The following CACNA1H variants were observed in gnomAD, a reference collection of about 807,000 sequenced individuals.
CACNA1H encodes the protein voltage-dependent T-type calcium channel subunit alpha-1H.
CACNA1H carries 149 observed loss-of-function variants against 192.5 expected under a neutral mutation model. The ratio of observed to expected loss-of-function variants is 0.77; its 90% CI spans 0.68 to 0.89. The LOEUF is 0.89. CACNA1H is among the 40% of genes least tolerant of loss of function. The pLI is 0.00. For missense variants in CACNA1H, 4,257 were observed against 3,423.5 expected, an observed-to-expected ratio of 1.24 and a Z score of -6.08; for synonymous variants, 2,202 against 1,475.2, an observed-to-expected ratio of 1.49 and a Z score of -11.29.
chr16:1,159,529 C>G (rs997327606), intron 2 of CACNA1H: 1 of 152,296 alleles, frequency 6.6e-6, no homozygotes, highest in Non-Finnish European at 1.5e-5. Flanking sequence ...CCCTCGGGAG[C>G]TTGAGGGCTG....
rs545568141 is a variant in CACNA1H, at chr16:1,166,379, T to C, written c.299+12343T>C. The stretch of plus-strand genomic sequence containing the variant: ...CTGAATCCCGGCCCCTGCCTTCCTC[T>C]CAGCCCTGCAGAGGAGGCCGCGCAG... On this transcript the variant is annotated intron_variant, in intron 2 of 34. Transcript: ENST00000348261. Among the ~76,000 whole-genome samples, 10 of 152,314 alleles carry C rather than the reference T, an allele frequency of 6.6e-5. No individual in the cohort carries two copies. In the East Asian group the frequency reaches 1.9e-3, roughly 29 times the overall value.
At chr16:1,196,134 C>G in intron 5 of CACNA1H, 111 bp downstream of exon 5, 1 of 841,846 alleles carries the variant, frequency 1.2e-6, no homozygotes, top group Non-Finnish European at 1.9e-6. Flanking sequence ...ATGAAGGTTA[C>G]CAGGCACTCC....
rs1395932726 is a variant in CACNA1H at position 1,198,788 on chromosome 16, A to AC, written c.803+19dup. On this transcript the variant is annotated intron_variant, in intron 6 of 34. Coordinates refer to ENST00000348261, the MANE Select transcript of CACNA1H (RefSeq NM_021098.3). ...TGCCTTTGTCAGGTGCCCAGGCCCC[A>AC]CCCCCGTGAGGCCCCTGCCCAGATG... 6 of 1,602,010 alleles carry AC rather than the reference A, an allele frequency of 3.7e-6. No homozygotes were observed. Among genetic ancestry groups the AC allele is most frequent in the Non-Finnish European group, 5.1e-6 (6 of 1,175,828 alleles).
At position 1,220,765 on chromosome 16, in the gene CACNA1H, G is replaced by A. The variant is rs1347149468; in HGVS notation, c.6833G>A (p.Gly2278Glu). 1.9e-6 allele frequency: 3 copies of A among 1,612,496 alleles called. No homozygotes were observed. In the East Asian group the frequency reaches 6.7e-5, roughly 36 times the overall value. Residue 2278 changes from glycine (G) to glutamate (E), a missense_variant, in exon 35 of 35, where the codon GGA (glycine) becomes GAA (glutamate). Transcript: ENST00000348261. Reference sequence around the variant, plus strand: ...CCGCTGGACCTCGGGGTCCCCAGTGGAGACCCTTTCTTGGACGGTAGCCAC... The same window carrying A: ...CCGCTGGACCTCGGGGTCCCCAGTGAAGACCCTTTCTTGGACGGTAGCCAC... ...FEPLDLGVPS[G>E]DPFLDGSHSV...
At chr16:1,206,956 A>G in intron 12 of CACNA1H, 45 bp from the exon 13 acceptor site, 2 of 499,226 alleles carry the variant, frequency 4.0e-6, no homozygotes, top group Non-Finnish European at 6.1e-6. Flanking sequence ...TCCGCTCAGC[A>G]CACCCCTGCC....
intron 2 of CACNA1H, among the ~76,000 whole-genome samples, chr16:1,188,594 C>T (rs1034494447): frequency 6.6e-6 from 1 of 152,244 alleles, no homozygotes; most frequent in Non-Finnish European, 1.5e-5. Context: ...ACACAACAGT[C>T]AGTGGCTCTG....
intron 2 of CACNA1H, 100 bp from the exon 3 acceptor site, chr16:1,194,872 C>T (rs1275200487): frequency 1.2e-6 from 1 of 856,702 alleles, no homozygotes; most frequent in South Asian, 1.4e-5. Context: ...CACGCGCGCA[C>T]ACCCGTGGCG....
rs547417643 is a variant in CACNA1H, at chr16:1,167,855, T to G, written c.299+13819T>G. 6.6e-6 allele frequency among the ~76,000 whole-genome samples: 1 copy of G among 152,094 alleles called. No homozygotes were observed. The highest frequency in any genetic ancestry group is 1.5e-5 in the Non-Finnish European group (1 of 68,008). On this transcript the variant is annotated intron_variant, in intron 2 of 34. Transcript: ENST00000348261. This position sits in a 1 kb window ranked among gnomAD's most constrained non-coding sequence, Gnocchi z 4.2. ...GGTTGGGGCGTGGCCTGGCCGTCCG[T>G]CCGCGGGGCCCGGGCTGCCCATGGC...
At position 1,196,015 on chromosome 16, in the gene CACNA1H, G is replaced by T. The variant is rs755428172; in HGVS notation, c.635G>T (p.Arg212Leu). 1 of 1,612,542 alleles carries T rather than the reference G, an allele frequency of 6.2e-7. No homozygotes were observed. Among genetic ancestry groups the T allele is most frequent in the Non-Finnish European group, 8.5e-7 (1 of 1,179,476 alleles). ...CTGCGGCCCCTCCGCGCCATCAACC[G>T]CGTGCCTAGTAAGTGACCGGCCCCG... ...RVLRPLRAIN[R>L]VPSMRILVTL... Residue 212 changes from arginine (R) to leucine (L), a missense_variant, in exon 5 of 35, where the codon CGC (arginine) becomes CTC (leucine). By Grantham distance (102) the Arg-to-Leu change is moderately radical. Transcript: ENST00000348261.
chr16:1,217,096 C>G, intron 31 of CACNA1H, 86 bp downstream of exon 31: 1 of 1,196,590 alleles, frequency 8.4e-7, no homozygotes. Context: ...CAGGCACATG[C>G]TTGCAAATAG....
chr16:1,191,874 A>C (rs1176227937), intron 2 of CACNA1H, among the ~76,000 whole-genome samples: 1 of 150,372 alleles, frequency 6.7e-6, no homozygotes, highest in African/African-American at 2.5e-5. Context: ...GGTTTTGGTG[A>C]CCCAGCAGGC....
Position 1,204,107 on chromosome 16 carries a change from C to T in CACNA1H, c.2100C>T (p.Cys700=), listed in dbSNP as rs1230409556. 3 of 1,611,406 alleles carry T rather than the reference C, an allele frequency of 1.9e-6. No individual in the cohort carries two copies. The highest frequency in any genetic ancestry group is 2.2e-5 in the South Asian group (2 of 90,726). Reference sequence around the variant, plus strand: ...CACTGACCTGTGAGCTGAAGAGCTGCCCGTACTGCACCCGTGCCCTGGAGG... The same window carrying T: ...CACTGACCTGTGAGCTGAAGAGCTGTCCGTACTGCACCCGTGCCCTGGAGG... The part of the protein sequence containing the change: ...AGTLTCELKS[C]PYCTRALEDP... The change falls in exon 10 of 35, where the codon TGC becomes TGT. Residue 700 remains cysteine (C), a synonymous_variant. Transcript: ENST00000348261.
chr16:1,220,044 G>C lies in CACNA1H; in HGVS notation c.6112G>C (p.Ala2038Pro). The change falls in exon 35 of 35, where the codon GCA (alanine) becomes CCA (proline). Residue 2038 changes from alanine (A) to proline (P), a missense_variant. Physicochemically the swap from Ala to Pro is conservative, Grantham distance 27. Coordinates refer to ENST00000348261, the MANE Select transcript of CACNA1H (RefSeq NM_021098.3). ...IDSPRDTLDP[A>P]EPGEKTPVRP... ...CAGCCCTAGGGACACCCTGGATCCTGCAGAGCCTGGTGAGAAAACCCCGGT... is the reference window on the plus strand; with the variant it reads ...CAGCCCTAGGGACACCCTGGATCCTCCAGAGCCTGGTGAGAAAACCCCGGT... 1 of 1,423,038 alleles carries C rather than the reference G, an allele frequency of 7.0e-7. No homozygotes were observed. Among genetic ancestry groups the C allele is most frequent in the Non-Finnish European group, 9.2e-7 (1 of 1,089,026 alleles). 88.2% of individuals were successfully genotyped at this position (1,423,038 alleles called of 1,614,324 possible).
In CACNA1H at chr16:1,195,624, G is replaced by C; in HGVS notation, c.545+59G>C. 5 of 1,539,032 alleles carry C rather than the reference G, an allele frequency of 3.2e-6. No individual in the cohort carries two copies. In the South Asian group the frequency reaches 6.0e-5, roughly 18 times the overall value. On this transcript the variant is annotated intron_variant, in intron 4 of 34. Coordinates refer to ENST00000348261, the MANE Select transcript of CACNA1H (RefSeq NM_021098.3). ...CGAAGGGGCCCCGCCCACCCCACAG[G>C]GATCCCTGTGTCCCACCTGTAAAGA...
At chr16:1,182,315 A>G (rs1054673093) in intron 2 of CACNA1H, among the ~76,000 whole-genome samples, 5 of 152,134 alleles carry the variant, frequency 3.3e-5, no homozygotes, top group South Asian at 4.1e-4. Context: ...GCCATTGCTC[A>G]GGGAGGAGCT....
intron 2 of CACNA1H, among the ~76,000 whole-genome samples, chr16:1,175,736 G>GT (rs1297380098): frequency 6.6e-6 from 1 of 152,224 alleles, no homozygotes; most frequent in African/African-American, 2.4e-5. Context: ...CTGGGAGTGG[G>GT]TTTTGAGGGC....
chr16:1,166,297 G>A (rs536189169), intron 2 of CACNA1H, among the ~76,000 whole-genome samples: 2 of 152,276 alleles, frequency 1.3e-5, no homozygotes, highest in East Asian at 3.9e-4. Context: ...GGAGACAGGA[G>A]CTCCCTGTGG....
At chr16:1,163,390 G>T (rs1229788926) in intron 2 of CACNA1H, among the ~76,000 whole-genome samples, 1 of 152,258 alleles carries the variant, frequency 6.6e-6, no homozygotes, top group Non-Finnish European at 1.5e-5. Context: ...CCGGGAGGGG[G>T]TGCTGGTCTG....
intron 7 of CACNA1H, 66 bp downstream of exon 7, chr16:1,200,637 C>T (rs1049787128): frequency 6.9e-6 from 11 of 1,592,210 alleles, no homozygotes; most frequent in East Asian, 4.5e-5. Context: ...AGGACTCGCC[C>T]CCCCCAGCCC....
Sources: gnomAD v4.1 joint callset for allele counts (sites outside exome capture counted in the v4.1 genomes callset) on GRCh38, gnomAD v4.1.1 for gene constraint, Gnocchi (gnomAD v3.1) non-coding constraint, MANE v1.5 for transcripts, NCBI Gene and HGNC (gene_info 2026-07-23, HGNC 2026-07-21) for gene names.